Variants in STN1 observed in about 807,000 individuals in gnomAD.
STN1 encodes CST complex subunit STN1.
STN1 carries 29 observed loss-of-function variants against 45.5 expected under a neutral mutation model. That is an observed-to-expected ratio of 0.64 (90% CI 0.47 to 0.87). The LOEUF is 0.87. Ranked by LOEUF, STN1 falls within the 40% of genes least tolerant of loss-of-function variation. The pLI is 0.00. For missense variants in STN1, 376 were observed against 441.4 expected, an observed-to-expected ratio of 0.85 and a Z score of 1.33; for synonymous variants, 148 against 159.0, an observed-to-expected ratio of 0.93 and a Z score of 0.52.
intron 7 of STN1, among the ~76,000 whole-genome samples, chr10:103,892,888 T>C (rs1178282739): frequency 6.6e-6 from 1 of 152,138 alleles, no homozygotes; most frequent in East Asian, 1.9e-4. Context: ...CACGTTTGCC[T>C]GGGGAGGGTC....
At chr10:103,915,797 A>G (rs1258828880) in intron 2 of STN1, among the ~76,000 whole-genome samples, 2 of 151,812 alleles carry the variant, frequency 1.3e-5, no homozygotes, top group Non-Finnish European at 2.9e-5. Context: ...GTAGAAGACA[A>G]TTTTTCCGGG....
chr10:103,880,067 T>TA lies in STN1; in HGVS notation c.*2616dup, dbSNP rs958718662. Among the ~76,000 whole-genome samples, 4 of 152,180 alleles carry TA rather than the reference T, an allele frequency of 2.6e-5. No individual in the cohort carries two copies. The highest frequency in any genetic ancestry group is 4.4e-5 in the Non-Finnish European group (3 of 68,032). Reference sequence around the variant, plus strand: ...GCCCACTTCACCCGCCTGGGCCAAGTATGGCTTCCACACTGGTTGAGTTCT... The same window carrying TA: ...GCCCACTTCACCCGCCTGGGCCAAGTAATGGCTTCCACACTGGTTGAGTTCT... On this transcript the variant is annotated 3_prime_UTR_variant, in exon 10 of 10. Coordinates refer to ENST00000224950, the MANE Select transcript of STN1 (RefSeq NM_024928.5).
intron 2 of STN1, among the ~76,000 whole-genome samples, chr10:103,916,950 A>C (rs1843336445): frequency 6.6e-6 from 1 of 152,192 alleles, no homozygotes; most frequent in East Asian, 1.9e-4. Context: ...CAGGGAGTTT[A>C]TAATATTTTG....
intron 2 of STN1, among the ~76,000 whole-genome samples, chr10:103,915,792 A>G (rs925896587): frequency 1.3e-5 from 2 of 152,084 alleles, no homozygotes; most frequent in African/African-American, 4.8e-5. Flanking sequence ...GTTTTGTAGA[A>G]GACAATTTTT....
intron 3 of STN1, 58 bp downstream of exon 3, chr10:103,910,469 T>A (rs1843282346): frequency 8.3e-7 from 1 of 1,200,448 alleles, no homozygotes; most frequent in East Asian, 2.4e-5. Context: ...AATCCAACTT[T>A]CAGCCCAGAA....
chr10:103,899,548 G>A (rs1264469441), intron 5 of STN1, among the ~76,000 whole-genome samples: 3 of 152,030 alleles, frequency 2.0e-5, no homozygotes, highest in East Asian at 3.9e-4. Context: ...TTAGCTGGGT[G>A]TGGTGGCGCA....
rs1843075753 is a variant in STN1 at position 103,882,516 on chromosome 10, G to A, written c.*168C>T. 1 of 646,036 alleles carries A rather than the reference G, an allele frequency of 1.5e-6. No homozygotes were observed. 40.0% of individuals were successfully genotyped at this position (646,036 alleles called of 1,614,324 possible). The stretch of plus-strand genomic sequence containing the variant: ...CCAAGGACATAGTGGACAGAAGGGA[G>A]CCAACAACATTTATGCCAAATCCCA... On this transcript the variant is annotated 3_prime_UTR_variant, in exon 10 of 10. Coordinates refer to ENST00000224950, the MANE Select transcript of STN1 (RefSeq NM_024928.5).
chr10:103,911,626 C>T (rs1002932177), intron 2 of STN1, among the ~76,000 whole-genome samples: 6 of 152,182 alleles, frequency 3.9e-5, no homozygotes, highest in African/African-American at 1.4e-4. Context: ...AAGCGATCCT[C>T]CCACCTTGGT....
Position 103,892,130 on chromosome 10 carries a change from A to G in STN1, c.876T>C (p.Tyr292=). Residue 292 remains tyrosine, a splice_region_variant and synonymous_variant, in exon 8 of 10, where the codon TAT becomes TAC. Coordinates refer to ENST00000224950, the MANE Select transcript of STN1 (RefSeq NM_024928.5). ...QKDDGFDNLY[Y]VTREDKDLHR... ...AAAAGTTAAGTTGCAAGTGTCTTAC[A>G]TAGTATAGGTTATCAAAACCATCAT... is the stretch of plus-strand genomic sequence containing the variant. The G allele has an allele frequency of 6.3e-7, 1 of 1,597,034 alleles. No individual in the cohort carries two copies. Among genetic ancestry groups the G allele is most frequent in the Non-Finnish European group, 8.5e-7 (1 of 1,175,640 alleles).
At chr10:103,889,214 C>A in intron 8 of STN1, 70 bp from the exon 9 acceptor site, 1 of 937,630 alleles carries the variant, frequency 1.1e-6, no homozygotes, top group Non-Finnish European at 1.8e-6. Context: ...TCCAGACTTC[C>A]AAATTAGTAT....
chr10:103,916,894 G>A (rs1843336127), intron 2 of STN1, among the ~76,000 whole-genome samples: 1 of 152,062 alleles, frequency 6.6e-6, no homozygotes. Flanking sequence ...ACTGTTCTAA[G>A]CCCTGGGATT....
At chr10:103,909,186 G>A (rs1843264031) in intron 3 of STN1, among the ~76,000 whole-genome samples, 1 of 151,122 alleles carries the variant, frequency 6.6e-6, no homozygotes, top group Non-Finnish European at 1.5e-5. Flanking sequence ...TGGAGAGGAA[G>A]CACTGTACTA....
At chr10:103,902,740 T>G (rs1408055203) in intron 4 of STN1, among the ~76,000 whole-genome samples, 1 of 152,238 alleles carries the variant, frequency 6.6e-6, no homozygotes. Flanking sequence ...AAAATTAGTC[T>G]TTGCTGGCCA....
chr10:103,917,521 G>C lies in STN1; in HGVS notation c.74C>G (p.Ala25Gly), dbSNP rs1276684506. 6.2e-7 allele frequency: 1 copy of C among 1,614,062 alleles called. No individual in the cohort carries two copies. ...LLWGLDPVFL[A>G]FAKLYIRDIL... ...ATCCCTGATGTAGAGTTTTGCAAAGGCTAGAAACACAGGATCCAAACCCCA... is the reference window on the plus strand; with the variant it reads ...ATCCCTGATGTAGAGTTTTGCAAAGCCTAGAAACACAGGATCCAAACCCCA... The change falls in exon 2 of 10, where the codon GCC becomes GGC. Residue 25 changes from alanine (A) to glycine (G), a missense_variant. Transcript: ENST00000224950.
intron 2 of STN1, among the ~76,000 whole-genome samples, chr10:103,912,148 T>C (rs1036645653): frequency 1.3e-5 from 2 of 151,932 alleles, no homozygotes; most frequent in African/African-American, 4.8e-5. Flanking sequence ...GTCACCTCCA[T>C]CCAGGAAAAC....
At chr10:103,895,349 T>C (rs540407825) in intron 7 of STN1, among the ~76,000 whole-genome samples, 1 of 152,358 alleles carries the variant, frequency 6.6e-6, no homozygotes, top group East Asian at 1.9e-4. Flanking sequence ...TACTTAATTA[T>C]AGCTATCACG....
chr10:103,883,114 T>C (rs1464943597), intron 9 of STN1, among the ~76,000 whole-genome samples: 1 of 152,244 alleles, frequency 6.6e-6, no homozygotes, highest in Non-Finnish European at 1.5e-5. Flanking sequence ...TTTTTATCTG[T>C]AACCTAGTGG....
At chr10:103,888,092 G>C (rs1389818321) in intron 9 of STN1, among the ~76,000 whole-genome samples, 1 of 152,194 alleles carries the variant, frequency 6.6e-6, no homozygotes, top group African/African-American at 2.4e-5. Context: ...ATATTGCTTT[G>C]AGTTTATTTT....
At chr10:103,911,670 A>C (rs550500553) in intron 2 of STN1, among the ~76,000 whole-genome samples, 2 of 152,218 alleles carry the variant, frequency 1.3e-5, no homozygotes, top group South Asian at 2.1e-4. Context: ...ACACCCAGTC[A>C]AGTCCTTTTT....
Sources: allele counts gnomAD v4.1 joint callset (sites outside exome capture counted in the v4.1 genomes callset), GRCh38; gene constraint gnomAD v4.1.1; transcripts MANE v1.5; gene names NCBI Gene and HGNC (gene_info 2026-07-23, HGNC 2026-07-21).